CHRNG: variants seen among roughly 807,000 people sequenced by gnomAD.
CHRNG encodes acetylcholine receptor subunit gamma.
Under a neutral mutation model 65.2 loss-of-function variants are expected in CHRNG, and 72 were observed. That is an observed-to-expected ratio of 1.10 (90% CI 0.91 to 1.34). The LOEUF (loss-of-function observed/expected upper bound fraction) is 1.34, where lower values mean the gene tolerates loss of function less well. Ranked by LOEUF, CHRNG falls within the 40% of genes most tolerant of loss-of-function variation. The probability of loss-of-function intolerance (pLI) is 0.00; values close to 1 mark genes in which losing one functional copy is unlikely to be tolerated. For missense variants in CHRNG, 637 were observed against 680.1 expected (o/e 0.94, Z 0.70); for synonymous variants, 284 against 290.2 (o/e 0.98, Z 0.22).
In CHRNG at chr2:232,542,486, C is replaced by T. The variant is rs758872639; in HGVS notation, c.570C>T (p.Ile190=). ...TGAGTCAGGAAGATGGCCAGACCAT[C>T]GAGTGGATTTTCATTGACCCTGAGG... ...LQLSQEDGQT[I]EWIFIDPEAF... Residue 190 remains isoleucine, a synonymous_variant, in exon 6 of 12, where the codon ATC becomes ATT. Transcript: ENST00000651502. The T allele has an allele frequency of 9.9e-6, 16 of 1,613,764 alleles. No individual in the cohort carries two copies. Among genetic ancestry groups the T allele is most frequent in the East Asian group, 6.7e-5 (3 of 44,894 alleles).
rs1692007091 is a variant in CHRNG at position 232,541,167 on chromosome 2, C to A, written c.351-207C>A. Among the ~76,000 whole-genome samples the A allele has an allele frequency of 7.1e-6, 1 of 141,092 alleles. No homozygotes were observed. The highest frequency in any genetic ancestry group is 1.5e-5 in the Non-Finnish European group (1 of 65,620). 92.6% of individuals were successfully genotyped at this position (141,092 alleles called of 152,430 possible). A position where few individuals can be genotyped will look rare whatever the true frequency, so the allele number is the denominator to read the frequency against. ...ATAAGCAGAAATTAGGAGGTGGTGC[C>A]TGAGGAAGTCTGTCTGGGGCGGGGG... On this transcript the variant is annotated intron_variant, in intron 4 of 11. Coordinates refer to ENST00000651502, the MANE Select transcript of CHRNG (RefSeq NM_005199.5). This position sits in a 1 kb window ranked among gnomAD's most constrained non-coding sequence, Gnocchi z 4.0.
rs1172267283 is a variant in CHRNG, at chr2:232,547,171, A to G, written c.*1455A>G. ...CCTGCAATCCCAGCACCTTGGGAGG[A>G]CAAGGTGGGTGGACTGCTTGAGCTC... On this transcript the variant is annotated 3_prime_UTR_variant, in exon 12 of 12. Transcript: ENST00000651502. Among the ~76,000 whole-genome samples the G allele has an allele frequency of 2.0e-5, 3 of 152,112 alleles. No homozygotes were observed. The highest frequency in any genetic ancestry group is 1.3e-4 in the Admixed American group (2 of 15,268).
At position 232,541,443 on chromosome 2, in the gene CHRNG, G is replaced by GCTGCCGC; in HGVS notation, c.426_432dup (p.Ile145AlafsTer35). The GCTGCCGC allele has an allele frequency of 1.2e-6, 2 of 1,614,112 alleles. No homozygotes were observed. Among genetic ancestry groups the GCTGCCGC allele is most frequent in the Non-Finnish European group, 1.7e-6 (2 of 1,179,990 alleles). On this transcript the variant is annotated frameshift_variant, in exon 5 of 12. Coordinates refer to ENST00000651502, the MANE Select transcript of CHRNG (RefSeq NM_005199.5). LOFTEE classifies it high-confidence loss of function. The surrounding 1 kb of genome is among the most constrained non-coding windows in gnomAD (Gnocchi z 4.0). ...TGTCCCCTGACGGCTGTATCTACTG[G>GCTGCCGC]CTGCCGCCTGCCATCTTCCGTTCCG... is the stretch of plus-strand genomic sequence containing the variant.
intron 6 of CHRNG, 49 bp downstream of exon 6, chr2:232,542,569 C>A: frequency 7.8e-7 from 1 of 1,279,374 alleles, no homozygotes; most frequent in Non-Finnish European, 1.1e-6. Flanking sequence ...AGGGCTCCTG[C>A]TGGACCCAGC....
At position 232,541,377 on chromosome 2, in the gene CHRNG, G is replaced by A. The variant is rs1255806027; in HGVS notation, c.354G>A (p.Val118=). ...CTGGCCTGTTCTGTGCATACAGCGTGGACGGTGTCTTCGAGGTGGCCCTCT... is the reference window on the plus strand; with the variant it reads ...CTGGCCTGTTCTGTGCATACAGCGTAGACGGTGTCTTCGAGGTGGCCCTCT... ...WRPDIVLENN[V]DGVFEVALYC... is the part of the protein sequence containing the mutation. Residue 118 remains valine, a synonymous_variant, in exon 5 of 12, where the codon GTG becomes GTA. Transcript: ENST00000651502. The surrounding 1 kb of genome is among the most constrained non-coding windows in gnomAD (Gnocchi z 4.0). 6.2e-7 allele frequency: 1 copy of A among 1,614,084 alleles called. No homozygotes were observed. The highest frequency in any genetic ancestry group is 1.1e-5 in the South Asian group (1 of 91,086).
Position 232,542,553 on chromosome 2 carries a change from T to A in CHRNG, c.604+33T>A, listed in dbSNP as rs1012392490. 3.4e-6 allele frequency: 5 copies of A among 1,454,452 alleles called. No individual in the cohort carries two copies. In the African/African-American group the frequency reaches 7.0e-5, roughly 20 times the overall value. 90.1% of individuals were successfully genotyped at this position (1,454,452 alleles called of 1,614,324 possible). On this transcript the variant is annotated intron_variant, in intron 6 of 11. Transcript: ENST00000651502. The stretch of plus-strand genomic sequence containing the variant: ...CCACCCAAGGGCTCCCCAGGCAGCC[T>A]CATCCAGGGCTCCTGCTGGACCCAG...
chr2:232,539,933 G>A, intron 1 of CHRNG, 59 bp from the exon 2 acceptor site: 1 of 1,613,012 alleles, frequency 6.2e-7, no homozygotes, highest in African/African-American at 1.3e-5. Flanking sequence ...CACACCCCCA[G>A]GGCCTCCCCG....
intron 6 of CHRNG, among the ~76,000 whole-genome samples, 170 bp downstream of exon 6, chr2:232,542,690 T>C (rs914399838): frequency 5.9e-5 from 9 of 152,136 alleles, no homozygotes; most frequent in Non-Finnish European, 1.0e-4. Flanking sequence ...CTGACTTTCC[T>C]CATGATAATG....
Position 232,542,997 on chromosome 2 carries a change from G to A in CHRNG, c.720G>A (p.Lys240=). The A allele has an allele frequency of 6.2e-7, 1 of 1,614,206 alleles. No individual in the cohort carries two copies. Residue 240 remains lysine, a synonymous_variant, in exon 7 of 12, where the codon AAG becomes AAA. Transcript: ENST00000651502. ...KVVFYLLIQR[K]PLFYVINIIA... ...TGTTCTACCTGCTCATCCAGCGCAA[G>A]CCCCTCTTCTACGTCATCAACATCA...
chr2:232,543,526 A>G (rs551812912), intron 8 of CHRNG, 59 bp from the exon 9 acceptor site: 5 of 1,307,880 alleles, frequency 3.8e-6, no homozygotes, highest in Non-Finnish European at 5.5e-6. Flanking sequence ...GGCAGCCACT[A>G]AGCGTGGGGG....
At position 232,545,557 on chromosome 2, in the gene CHRNG, G is replaced by C. The variant is rs1692114292; in HGVS notation, c.1395G>C (p.Trp465Cys). The C allele has an allele frequency of 6.2e-7, 1 of 1,613,752 alleles. No homozygotes were observed. Among genetic ancestry groups the C allele is most frequent in the African/African-American group, 1.3e-5 (1 of 74,926 alleles). Residue 465 changes from tryptophan to cysteine, a missense_variant, in exon 12 of 12, where the codon TGG becomes TGC. By Grantham distance (215) the Trp-to-Cys change is radical (BLOSUM62 -2). Transcript: ENST00000651502. The stretch of plus-strand genomic sequence containing the variant: ...CCCACCCTCAGGGGAATGAGGAGTG[G>C]TTCCTGGTGGGCCGAGTGCTGGACC... ...QSHFDNGNEE[W>C]FLVGRVLDRV...
rs1692009596 is a variant in CHRNG at position 232,541,285 on chromosome 2, A to G, written c.351-89A>G. On this transcript the variant is annotated intron_variant, in intron 4 of 11. Coordinates refer to ENST00000651502, the MANE Select transcript of CHRNG (RefSeq NM_005199.5). The surrounding 1 kb of genome is among the most constrained non-coding windows in gnomAD (Gnocchi z 4.0). ...TAGGGACTGGTGTCCCCAGGCCCCT[A>G]TCCACATGGGGCACAGGGGCTGGTC... 1 of 1,527,790 alleles carries G rather than the reference A, an allele frequency of 6.5e-7. No individual in the cohort carries two copies. Among genetic ancestry groups the G allele is most frequent in the East Asian group, 2.3e-5 (1 of 44,368 alleles). 94.6% of individuals were successfully genotyped at this position (1,527,790 alleles called of 1,614,324 possible).
Position 232,547,713 on chromosome 2 carries a change from G to A in CHRNG, c.*1997G>A, listed in dbSNP as rs1692157053. ...ATCAGGGAGGGAATCTGATGACAGT[G>A]GGGCCATTTCCGGTTCCCACCAGCC... On this transcript the variant is annotated 3_prime_UTR_variant, in exon 12 of 12. Coordinates refer to ENST00000651502, the MANE Select transcript of CHRNG (RefSeq NM_005199.5). 6.6e-6 allele frequency among the ~76,000 whole-genome samples: 1 copy of A among 152,210 alleles called. No homozygotes were observed. The highest frequency in any genetic ancestry group is 2.4e-5 in the African/African-American group (1 of 41,454).
chr2:232,546,175 A>G lies in CHRNG; in HGVS notation c.*459A>G, dbSNP rs1324883622. 2 of 229,986 alleles carry G rather than the reference A, an allele frequency of 8.7e-6. No individual in the cohort carries two copies. Among genetic ancestry groups the G allele is most frequent in the South Asian group, 6.4e-5 (1 of 15,726 alleles). The allele number at this position is 229,986 out of a possible 1,614,324, so 14.2% of individuals were successfully genotyped here. On this transcript the variant is annotated 3_prime_UTR_variant, in exon 12 of 12. Coordinates refer to ENST00000651502, the MANE Select transcript of CHRNG (RefSeq NM_005199.5). Reference sequence around the variant, plus strand: ...TCTCCAAAGCAGGGCAGCAGCCCATACCAGCTGGCATCTCCCCCCCGTGCC... The same window carrying G: ...TCTCCAAAGCAGGGCAGCAGCCCATGCCAGCTGGCATCTCCCCCCCGTGCC...
intron 1 of CHRNG, 41 bp from the exon 2 acceptor site, chr2:232,539,951 C>T: frequency 6.2e-7 from 1 of 1,613,770 alleles, no homozygotes. Flanking sequence ...CCGCTCTTTC[C>T]ACCTCCAAGC....
Position 232,540,004 on chromosome 2 carries a change from G to T in CHRNG, c.68G>T (p.Arg23Leu), listed in dbSNP as rs528366118. ...CTGTCTATTGCAGGGGCCCAGGGCCGGAACCAGGAGGAGCGCCTGCTCGCA... is the reference window on the plus strand; with the variant it reads ...CTGTCTATTGCAGGGGCCCAGGGCCTGAACCAGGAGGAGCGCCTGCTCGCA... ...LLAVCLGAQG[R>L]NQEERLLADL... is the part of the protein sequence containing the mutation. Residue 23 changes from arginine (R) to leucine (L), a missense_variant, in exon 2 of 12, where the codon CGG becomes CTG. Coordinates refer to ENST00000651502, the MANE Select transcript of CHRNG (RefSeq NM_005199.5). The surrounding 1 kb of genome is among the most constrained non-coding windows in gnomAD (Gnocchi z 4.2). 1 of 1,614,182 alleles carries T rather than the reference G, an allele frequency of 6.2e-7. No homozygotes were observed. The highest frequency in any genetic ancestry group is 8.5e-7 in the Non-Finnish European group (1 of 1,180,012).
chr2:232,545,406 A>C (rs1692108073), intron 11 of CHRNG, 137 bp from the exon 12 acceptor site: 2 of 796,588 alleles, frequency 2.5e-6, no homozygotes, highest in African/African-American at 3.4e-5. Context: ...ATTAGCCACC[A>C]GTTGGGACCC....
Position 232,542,524 on chromosome 2 carries a change from A to T in CHRNG, c.604+4A>T, listed in dbSNP as rs1159810630. 7 of 1,604,706 alleles carry T rather than the reference A, an allele frequency of 4.4e-6. No individual in the cohort carries two copies. The highest frequency in any genetic ancestry group is 6.0e-6 in the Non-Finnish European group (7 of 1,171,944). On this transcript the variant is annotated splice_donor_region_variant and intron_variant, in intron 6 of 11. Coordinates refer to ENST00000651502, the MANE Select transcript of CHRNG (RefSeq NM_005199.5). ...ATTGACCCTGAGGCCTTCACAGGTA[A>T]CCCCCACCCAAGGGCTCCCCAGGCA...
intron 11 of CHRNG, 32 bp downstream of exon 11, chr2:232,544,934 G>C (rs761377920): frequency 6.2e-7 from 1 of 1,613,440 alleles, no homozygotes; most frequent in South Asian, 1.1e-5. Flanking sequence ...TGGAGGTGGA[G>C]TGAGTACCTG....
Sources: gnomAD v4.1 joint callset for allele counts (sites outside exome capture counted in the v4.1 genomes callset) on GRCh38, gnomAD v4.1.1 for gene constraint, Gnocchi (gnomAD v3.1) non-coding constraint, MANE v1.5 for transcripts, NCBI Gene and HGNC (gene_info 2026-07-23, HGNC 2026-07-21) for gene names.